The following WWC1 variants were observed in gnomAD, a reference collection of about 807,000 sequenced individuals.
The protein encoded by WWC1 is protein KIBRA.
Under a neutral mutation model 138.4 loss-of-function variants are expected in WWC1, and 55 were observed. The ratio of observed to expected loss-of-function variants is 0.40; its 90% CI spans 0.32 to 0.50. The LOEUF (loss-of-function observed/expected upper bound fraction) is 0.50. Ranked by LOEUF, WWC1 falls within the 20% of genes least tolerant of loss-of-function variation. The pLI is 0.72. For synonymous variants in WWC1, 524 were observed against 564.9 expected (o/e 0.93, Z 1.03); for missense variants, 1,226 against 1,420.4 (o/e 0.86, Z 2.20).
At chr5:168,460,474 A>G (rs547025142) in intron 19 of WWC1, among the ~76,000 whole-genome samples, 176 bp from the exon 20 acceptor site, 2 of 152,372 alleles carry the variant, frequency 1.3e-5, no homozygotes, top group South Asian at 2.1e-4. Context: ...TGCATAGTAC[A>G]TGCTTAACGA....
chr5:168,465,451 G>T (rs552430567), intron 21 of WWC1, among the ~76,000 whole-genome samples: 3 of 142,592 alleles, frequency 2.1e-5, no homozygotes, highest in Non-Finnish European at 4.4e-5. Context: ...TGGCACCTCT[G>T]CCCTGCTATA....
At chr5:168,428,540 T>C (rs967568047) in intron 12 of WWC1, among the ~76,000 whole-genome samples, 167 bp from the exon 13 acceptor site, 1 of 152,022 alleles carries the variant, frequency 6.6e-6, no homozygotes, top group South Asian at 2.1e-4. Flanking sequence ...GGCAACATAG[T>C]GAGCCCCCAT....
At chr5:168,439,114 C>T (rs1754519831) in intron 15 of WWC1, among the ~76,000 whole-genome samples, 1 of 152,182 alleles carries the variant, frequency 6.6e-6, no homozygotes, top group African/African-American at 2.4e-5. Context: ...ACTATAGACA[C>T]AGATATACTT....
At chr5:168,423,161 A>AAAACAAAC (rs1554108972) in intron 10 of WWC1, among the ~76,000 whole-genome samples, 2 of 140,192 alleles carry the variant, frequency 1.4e-5, no homozygotes, top group African/African-American at 5.3e-5. Context: ...AAAAAAAAAA[A>AAAACAAAC]AAAAAAAAAA....
At chr5:168,357,585 G>A (rs773242335) in intron 1 of WWC1, among the ~76,000 whole-genome samples, 17 of 151,620 alleles carry the variant, frequency 1.1e-4, no homozygotes, top group Non-Finnish European at 1.9e-4. Flanking sequence ...AAGAGCAAAG[G>A]CAAAGAGGAC....
At position 168,408,662 on chromosome 5, in the gene WWC1, A is replaced by C; in HGVS notation, c.867+9A>C. On this transcript the variant is annotated intron_variant, in intron 7 of 22. Coordinates refer to ENST00000265293, the MANE Select transcript of WWC1 (RefSeq NM_015238.3). ...CAGACATCTCGGGAAGCGTGAGTAGACGGGGCAGGTTGCTGGGGGCCTTCC... is the reference window on the plus strand; with the variant it reads ...CAGACATCTCGGGAAGCGTGAGTAGCCGGGGCAGGTTGCTGGGGGCCTTCC... 3.1e-6 allele frequency: 5 copies of C among 1,613,828 alleles called. No homozygotes were observed. The highest frequency in any genetic ancestry group is 3.4e-6 in the Non-Finnish European group (4 of 1,179,826).
At chr5:168,430,506 GGTGA>G (rs770089733) in intron 14 of WWC1, among the ~76,000 whole-genome samples, 83 of 152,330 alleles carry the variant, frequency 5.4e-4, no homozygotes, top group Admixed American at 1.4e-3. Context: ...GGAATGGGGT[GGTGA>G]GCAGATCCTT....
chr5:168,395,783 T>A (rs796312713), intron 3 of WWC1, among the ~76,000 whole-genome samples: 6 of 152,336 alleles, frequency 3.9e-5, no homozygotes, highest in African/African-American at 1.4e-4. Context: ...TTTTTCTCCA[T>A]CATCATTATC....
At chr5:168,362,313 A>C (rs1356001446) in intron 1 of WWC1, among the ~76,000 whole-genome samples, 1 of 152,154 alleles carries the variant, frequency 6.6e-6, no homozygotes, top group Non-Finnish European at 1.5e-5. Flanking sequence ...TGCTCAGTAT[A>C]TGTGTTCTTA....
At chr5:168,382,586 G>A (rs1298140195) in intron 2 of WWC1, among the ~76,000 whole-genome samples, 2 of 152,182 alleles carry the variant, frequency 1.3e-5, no homozygotes, top group African/African-American at 2.4e-5. Context: ...ATCCCTCAGG[G>A]GGACCCACGA....
At chr5:168,354,092 C>G (rs1481678046) in intron 1 of WWC1, among the ~76,000 whole-genome samples, 2 of 151,790 alleles carry the variant, frequency 1.3e-5, no homozygotes, top group African/African-American at 4.8e-5. Context: ...GCTCTGTCAC[C>G]CAGGCTGGAG....
chr5:168,415,918 G>A (rs4976599), intron 9 of WWC1: 81,987 of 150,286 alleles, frequency 0.55, 23,975 homozygotes, highest in East Asian at 0.77. Flanking sequence ...GAAATCAGAG[G>A]CAGAGGCCCA....
chr5:168,433,620 C>T (rs950900480), intron 15 of WWC1, among the ~76,000 whole-genome samples: 2 of 152,136 alleles, frequency 1.3e-5, no homozygotes, highest in African/African-American at 4.8e-5. Flanking sequence ...TCACTGAAAC[C>T]TTCACCTCCT....
chr5:168,371,529 C>A lies in WWC1; in HGVS notation c.225C>A (p.Asn75Lys). The A allele has an allele frequency of 6.2e-7, 1 of 1,612,508 alleles. No homozygotes were observed. Among genetic ancestry groups the A allele is most frequent in the Non-Finnish European group, 8.5e-7 (1 of 1,178,628 alleles). ...PQVGDYFIDHNTKTTQIEDPR... is the reference protein window; with the variant it reads ...PQVGDYFIDHKTKTTQIEDPR... ...TTGGAGATTACTTCATAGACCACAA[C>A]ACCAGTAAGTTCCCGACGGTCCTCC... The change falls in exon 2 of 23, where the codon AAC becomes AAA. Residue 75 changes from asparagine to lysine, a missense_variant. Asn to Lys is a moderately conservative substitution (Grantham distance 94). This residue lies in a region of WWC1 where 1,016 missense variants were observed against 1,153.9 expected (regional missense o/e 0.88). Transcript: ENST00000265293.
chr5:168,423,605 G>A lies in WWC1; in HGVS notation c.1347G>A (p.Leu449=), dbSNP rs1458470331. 6.2e-7 allele frequency: 1 copy of A among 1,613,960 alleles called. No individual in the cohort carries two copies. The highest frequency in any genetic ancestry group is 1.7e-5 in the Admixed American group (1 of 59,988). The change falls in exon 11 of 23, where the codon CTG becomes CTA. Residue 449 remains leucine (L), a synonymous_variant. Coordinates refer to ENST00000265293, the MANE Select transcript of WWC1 (RefSeq NM_015238.3). ...PGSLTSSRGS[L]VASSLDSSTS... ...CCCTCACGTCCAGCCGGGGCTCCCT[G>A]GTTGCATCCAGCCTGGACTCCTCCA... is the stretch of plus-strand genomic sequence containing the variant.
In WWC1 at chr5:168,441,719, C is replaced by G. The variant is rs970530339; in HGVS notation, c.2318C>G (p.Ser773Cys). 5 of 1,614,072 alleles carry G rather than the reference C, an allele frequency of 3.1e-6. No homozygotes were observed. Among genetic ancestry groups the G allele is most frequent in the Non-Finnish European group, 3.4e-6 (4 of 1,180,042 alleles). ...ATCAGCCTGGCGGAGGTCTGCCGGT[C>G]TGGGGAGAGGTCGACTCGCTGGTAC... Reference protein sequence around the residue: ...AQISLAEVCRSGERSTRWYNL... With the variant: ...AQISLAEVCRCGERSTRWYNL... Residue 773 changes from serine to cysteine, a missense_variant, in exon 16 of 23, where the codon TCT becomes TGT. Around this residue, in one of 3 missense-constraint regions of WWC1, gnomAD observed 1,016 missense variants for 1,153.9 expected, o/e 0.88. Coordinates refer to ENST00000265293, the MANE Select transcript of WWC1 (RefSeq NM_015238.3).
At chr5:168,407,861 T>C (rs923484815) in intron 6 of WWC1, among the ~76,000 whole-genome samples, 5 of 151,118 alleles carry the variant, frequency 3.3e-5, no homozygotes, top group Non-Finnish European at 7.4e-5. Context: ...CCTGCGATTC[T>C]TCCCCCCTTT....
chr5:168,427,937 G>A, intron 11 of WWC1, 96 bp from the exon 12 acceptor site: 1 of 981,040 alleles, frequency 1.0e-6, no homozygotes, highest in South Asian at 1.5e-5. Context: ...CTCCAGCCTG[G>A]ATGAGTGAGA....
At chr5:168,358,064 A>G (rs1775594363) in intron 1 of WWC1, among the ~76,000 whole-genome samples, 2 of 152,144 alleles carry the variant, frequency 1.3e-5, no homozygotes, top group Admixed American at 6.5e-5. Flanking sequence ...GGACCCTTGC[A>G]TGTGGTGGGC....
Sources: gnomAD v4.1 joint callset for allele counts (sites outside exome capture counted in the v4.1 genomes callset) on GRCh38, gnomAD v4.1.1 for gene constraint, gnomAD v4.1.1 regional missense constraint, MANE v1.5 for transcripts, NCBI Gene and HGNC (gene_info 2026-07-23, HGNC 2026-07-21) for gene names.